PSD3: variants seen among roughly 807,000 people sequenced by gnomAD.
The protein encoded by PSD3 is PH and SEC7 domain-containing protein 3.
PSD3 carries 49 observed loss-of-function variants against 105.5 expected under a neutral mutation model. That is an observed-to-expected ratio of 0.46 (90% confidence interval 0.37 to 0.59). The LOEUF (loss-of-function observed/expected upper bound fraction) is 0.59, where lower values mean the gene tolerates loss of function less well. Among genes scored for constraint, PSD3 ranks in the 20% least tolerant of loss-of-function variants. The pLI is 0.00. For missense variants in PSD3, 1,561 were observed against 1,263.8 expected, an observed-to-expected ratio of 1.24 and a Z score of -3.57; for synonymous variants, 557 against 457.8, an observed-to-expected ratio of 1.22 and a Z score of -2.77.
At chr8:19,001,961 C>A in intron 1 of PSD3, 1 of 165,120 alleles carries the variant, frequency 6.1e-6, no homozygotes, top group South Asian at 1.8e-4. Context: ...TAACGGTGAC[C>A]CTCCCCGGGT....
intron 1 of PSD3, among the ~76,000 whole-genome samples, chr8:18,947,487 TC>T (rs2129469808): frequency 1.3e-5 from 2 of 152,208 alleles, no homozygotes; most frequent in East Asian, 3.9e-4. Context: ...TGAAAGACGC[TC>T]CCCTGGGACA....
At chr8:18,618,827 T>C (rs1354986866) in intron 11 of PSD3, among the ~76,000 whole-genome samples, 3 of 152,124 alleles carry the variant, frequency 2.0e-5, no homozygotes, top group Non-Finnish European at 4.4e-5. Flanking sequence ...TCTAGGGGCG[T>C]ATGCTACCAT....
At chr8:18,801,182 A>G (rs1460209816) in intron 7 of PSD3, 88 bp downstream of exon 7, 3 of 770,090 alleles carry the variant, frequency 3.9e-6, no homozygotes, top group Non-Finnish European at 6.3e-6. Flanking sequence ...CTGAAGATAC[A>G]TAATTTCTCA....
chr8:18,856,949 C>G (rs1816058818), intron 4 of PSD3, among the ~76,000 whole-genome samples: 1 of 152,192 alleles, frequency 6.6e-6, no homozygotes. Flanking sequence ...AGAGAATTGA[C>G]TAAAATTTGA....
At chr8:18,899,241 G>T (rs1819343659) in intron 2 of PSD3, among the ~76,000 whole-genome samples, 1 of 152,068 alleles carries the variant, frequency 6.6e-6, no homozygotes, top group African/African-American at 2.4e-5. Context: ...GAATTTCTCT[G>T]ATATCTACAT....
intron 4 of PSD3, among the ~76,000 whole-genome samples, chr8:18,852,320 T>C (rs1294300155): frequency 1.3e-5 from 2 of 152,152 alleles, no homozygotes; most frequent in Non-Finnish European, 2.9e-5. Flanking sequence ...GCTGCACAGC[T>C]ACCAACTCCT....
At chr8:18,984,616 T>C (rs1825406469) in intron 1 of PSD3, among the ~76,000 whole-genome samples, 1 of 152,176 alleles carries the variant, frequency 6.6e-6, no homozygotes, top group Admixed American at 6.5e-5. Context: ...ACAATATAAT[T>C]TTGTGAATTT....
At chr8:18,574,781 G>A (rs1802370856) in intron 13 of PSD3, among the ~76,000 whole-genome samples, 1 of 152,148 alleles carries the variant, frequency 6.6e-6, no homozygotes, top group African/African-American at 2.4e-5. Context: ...TGTGCTAGGA[G>A]AAAGAGCTAG....
intron 1 of PSD3, among the ~76,000 whole-genome samples, chr8:18,988,931 G>A (rs2129473362): frequency 6.6e-6 from 1 of 152,302 alleles, no homozygotes; most frequent in African/African-American, 2.4e-5. Flanking sequence ...GGGCTTCAAA[G>A]CTGACTGCAA....
At chr8:18,885,956 T>G (rs925190733) in intron 2 of PSD3, among the ~76,000 whole-genome samples, 3 of 152,204 alleles carry the variant, frequency 2.0e-5, no homozygotes, top group African/African-American at 7.2e-5. Context: ...ACCTTTGAGC[T>G]AACCTTGTTC....
rs560002899 is a variant in PSD3 at position 18,850,917 on chromosome 8, C to A, written c.1634+16757G>T. Among the ~76,000 whole-genome samples, 12 of 152,238 alleles carry A rather than the reference C, an allele frequency of 7.9e-5. 1 individual carries two copies. The highest frequency in any genetic ancestry group is 2.9e-4 in the African/African-American group (12 of 41,538). ...GCTGGGCACAGAAACTCTATTGCCCCCCCTCCCTTCTGAATACAGGTTCTT... is the reference window on the plus strand; with the variant it reads ...GCTGGGCACAGAAACTCTATTGCCCACCCTCCCTTCTGAATACAGGTTCTT... On this transcript the variant is annotated intron_variant, in intron 4 of 15. Transcript: ENST00000327040.
At chr8:18,822,436 C>T (rs146607457) in intron 4 of PSD3, among the ~76,000 whole-genome samples, 76 of 152,242 alleles carry the variant, frequency 5.0e-4, no homozygotes, top group Middle Eastern at 3.4e-3. Context: ...CCTTCACCAC[C>T]CCCTAAGCTG....
chr8:18,994,029 C>G (rs1489552733), intron 1 of PSD3, among the ~76,000 whole-genome samples: 1 of 151,942 alleles, frequency 6.6e-6, no homozygotes, highest in African/African-American at 2.4e-5. Flanking sequence ...AGCTCTGGAA[C>G]CGGACTGACT....
At chr8:18,893,929 G>A (rs182624500) in intron 2 of PSD3, among the ~76,000 whole-genome samples, 11 of 152,250 alleles carry the variant, frequency 7.2e-5, no homozygotes, top group Admixed American at 3.9e-4. Context: ...TTTTTCACCC[G>A]CTGTTCTTCT....
chr8:19,016,023 A>C (rs1184800927), upstream of PSD3, among the ~76,000 whole-genome samples: 2 of 152,260 alleles, frequency 1.3e-5, no homozygotes, highest in Non-Finnish European at 2.9e-5. Flanking sequence ...CAGTGTTACC[A>C]CTACTAAGTC....
intron 9 of PSD3, among the ~76,000 whole-genome samples, chr8:18,669,825 A>G (rs1175871350): frequency 1.3e-5 from 2 of 152,238 alleles, no homozygotes; most frequent in African/African-American, 4.8e-5. Context: ...TTAATACAGT[A>G]AAGTATTTTA....
In PSD3 at chr8:18,618,361, C is replaced by T. The variant is rs542498253; in HGVS notation, c.2410+14252G>A. 2.2e-3 allele frequency among the ~76,000 whole-genome samples: 331 copies of T among 151,488 alleles called. 3 individuals are homozygous for T. Among genetic ancestry groups the T allele is most frequent in the African/African-American group, 7.5e-3 (311 of 41,496 alleles). On this transcript the variant is annotated intron_variant, in intron 11 of 15. Transcript: ENST00000327040. ...AACCCAACCACCTTGGGCACATGTT[C>T]TCAGGTCATCCTGAGGCTACGTCAT...
intron 1 of PSD3, among the ~76,000 whole-genome samples, chr8:18,950,289 G>GT (rs991658828): frequency 2.0e-5 from 3 of 152,102 alleles, no homozygotes; most frequent in East Asian, 1.9e-4. Context: ...TATTTTATTA[G>GT]TTTTTTTGAG....
At chr8:18,581,039 G>C (rs1802780149) in intron 12 of PSD3, among the ~76,000 whole-genome samples, 1 of 152,192 alleles carries the variant, frequency 6.6e-6, no homozygotes, top group South Asian at 2.1e-4. Flanking sequence ...CAGACACAAA[G>C]CCCATGACAG....
Sources: gnomAD v4.1 joint callset for allele counts (sites outside exome capture counted in the v4.1 genomes callset) on GRCh38, gnomAD v4.1.1 for gene constraint, MANE v1.5 for transcripts, NCBI Gene and HGNC (gene_info 2026-07-23, HGNC 2026-07-21) for gene names.